The following NAV2 variants were observed in gnomAD, a reference collection of about 807,000 sequenced individuals.
NAV2 encodes the protein helicase, APC down-regulated 1.
In NAV2, 54 loss-of-function variants were observed where a neutral mutation model predicts 223.2. The observed-to-expected ratio is 0.24, with a 90% CI of 0.19 to 0.30. The LOEUF is 0.30. NAV2 is among the 10% of genes least tolerant of loss of function. The probability of loss-of-function intolerance (pLI) is 1.00; values close to 1 mark genes in which losing one functional copy is unlikely to be tolerated. For synonymous variants in NAV2, 1,279 were observed against 1,239.3 expected (o/e 1.03, Z -0.67); for missense variants, 2,806 against 3,147.5 (o/e 0.89, Z 2.60).
intron 1 of NAV2, among the ~76,000 whole-genome samples, chr11:19,449,740 A>C (rs1416995958): frequency 6.6e-6 from 1 of 152,122 alleles, no homozygotes; most frequent in Admixed American, 6.5e-5. Flanking sequence ...GGGCTGGGCC[A>C]TGAGAGCACC....
intron 1 of NAV2, among the ~76,000 whole-genome samples, chr11:19,822,586 A>AAG (rs2059437694): frequency 6.6e-6 from 1 of 152,160 alleles, no homozygotes; most frequent in African/African-American, 2.4e-5. Flanking sequence ...CTGTGTGAGT[A>AAG]TCCCTTTGAA....
chr11:20,062,973 G>C (rs973012956), intron 20 of NAV2, among the ~76,000 whole-genome samples: 1 of 152,206 alleles, frequency 6.6e-6, no homozygotes, highest in Non-Finnish European at 1.5e-5. Flanking sequence ...CATTACAGGC[G>C]TGAGCCATGG....
At chr11:19,887,259 G>A (rs1012652321) in intron 5 of NAV2, among the ~76,000 whole-genome samples, 5 of 152,114 alleles carry the variant, frequency 3.3e-5, no homozygotes, top group Non-Finnish European at 5.9e-5. Flanking sequence ...GGGGAGGGGC[G>A]TATGGAGGGA....
chr11:19,972,939 A>AGCC (rs1227849969), intron 10 of NAV2, among the ~76,000 whole-genome samples: 1 of 152,166 alleles, frequency 6.6e-6, no homozygotes, highest in African/African-American at 2.4e-5. Flanking sequence ...ACTCTATGTG[A>AGCC]GCCCTTCCTG....
At chr11:19,535,774 A>G (rs1383701005) in intron 1 of NAV2, among the ~76,000 whole-genome samples, 2 of 152,164 alleles carry the variant, frequency 1.3e-5, no homozygotes, top group African/African-American at 4.8e-5. Flanking sequence ...AAAGTTCTCA[A>G]TTAACGCCCA....
At chr11:19,491,288 T>C (rs553605107) in intron 1 of NAV2, among the ~76,000 whole-genome samples, 11 of 152,336 alleles carry the variant, frequency 7.2e-5, no homozygotes, top group African/African-American at 2.6e-4. Flanking sequence ...GTCTCCTCTC[T>C]AGCTATGAAA....
intron 6 of NAV2, among the ~76,000 whole-genome samples, chr11:19,901,548 C>A (rs2042446349): frequency 6.6e-6 from 1 of 152,136 alleles, no homozygotes; most frequent in African/African-American, 2.4e-5. Flanking sequence ...AAAGAGAACA[C>A]TCCCTTTTAA....
chr11:19,901,803 C>T lies in NAV2; in HGVS notation c.931+9209C>T, dbSNP rs564208653. The stretch of plus-strand genomic sequence containing the variant: ...TTCTTTTGGCTTTGTGCTATTGCCT[C>T]ACTAACCTTTAGCAAAGTTCTTTCT... On this transcript the variant is annotated intron_variant, in intron 6 of 37. Transcript: ENST00000349880. 9.2e-5 allele frequency among the ~76,000 whole-genome samples: 14 copies of T among 152,334 alleles called. No homozygotes were observed. In the East Asian group the frequency reaches 2.5e-3, roughly 27 times the overall value.
chr11:19,464,606 A>G (rs1436284442), intron 1 of NAV2, among the ~76,000 whole-genome samples: 1 of 152,216 alleles, frequency 6.6e-6, no homozygotes, highest in Non-Finnish European at 1.5e-5. Context: ...CATCTATAAT[A>G]TTCCTTGTTT....
chr11:20,037,927 G>C (rs561786071), intron 12 of NAV2, among the ~76,000 whole-genome samples: 1 of 2,690 alleles, frequency 3.7e-4, no homozygotes, highest in Non-Finnish European at 0.026. Context: ...CCAAGGAATT[G>C]CTCACCCTGC....
At chr11:19,950,763 G>A (rs1724262997) in intron 10 of NAV2, among the ~76,000 whole-genome samples, 1 of 152,184 alleles carries the variant, frequency 6.6e-6, no homozygotes, top group African/African-American at 2.4e-5. Flanking sequence ...TTGGAGAAAG[G>A]ACATACAAAT....
At chr11:19,898,107 G>A (rs1022968723) in intron 6 of NAV2, among the ~76,000 whole-genome samples, 6 of 151,834 alleles carry the variant, frequency 4.0e-5, no homozygotes, top group Non-Finnish European at 7.4e-5. Context: ...CATTTCTAAA[G>A]TATTTGGTCC....
chr11:19,637,141 G>C (rs919976882), intron 1 of NAV2, among the ~76,000 whole-genome samples: 1 of 152,092 alleles, frequency 6.6e-6, no homozygotes, highest in Admixed American at 6.5e-5. Context: ...CCACAGCCTG[G>C]GTTCTTGGGA....
At chr11:19,937,291 T>C (rs534683897) in intron 7 of NAV2, among the ~76,000 whole-genome samples, 1 of 152,266 alleles carries the variant, frequency 6.6e-6, no homozygotes, top group Admixed American at 6.5e-5. Flanking sequence ...TTATTCTCCT[T>C]TTCTGCTCTA....
Position 19,886,765 on chromosome 11 carries a change from G to A in NAV2, c.771-5669G>A, listed in dbSNP as rs532269708. On this transcript the variant is annotated intron_variant, in intron 5 of 37. Coordinates refer to ENST00000349880, the MANE Select transcript of NAV2 (RefSeq NM_145117.5). ...GATGGAAGAAGGCAGGGGGAAGAGA[G>A]GAAGCACTGGAAGATGAGGGCGTGT... 5.9e-5 allele frequency among the ~76,000 whole-genome samples: 9 copies of A among 152,316 alleles called. No homozygotes were observed. The East Asian group carries it at 1.7e-3, about 29-fold the overall frequency.
Position 19,574,621 on chromosome 11 carries a change from C to T in NAV2, c.75+223594C>T, listed in dbSNP as rs191676149. Among the ~76,000 whole-genome samples, 136 of 152,248 alleles carry T rather than the reference C, an allele frequency of 8.9e-4. 3 individuals carry two copies. Among genetic ancestry groups the T allele is most frequent in the Admixed American group, 8.0e-3 (123 of 15,288 alleles). ...CTTCTTTACTTCCTTCCTTCCATCC[C>T]GTTTATTTTTGTTGATCACCTATTA... On this transcript the variant is annotated intron_variant, in intron 1 of 37. Transcript: ENST00000360655.
intron 8 of NAV2, among the ~76,000 whole-genome samples, chr11:19,941,067 G>A (rs1287315749): frequency 6.6e-6 from 1 of 152,180 alleles, no homozygotes; most frequent in East Asian, 1.9e-4. Flanking sequence ...GGCCCGTGGA[G>A]CAGTGTGGAT....
rs12292217 is a variant in NAV2 at position 19,953,162 on chromosome 11, C to T, written c.2645+4082C>T. On this transcript the variant is annotated intron_variant, in intron 10 of 37. Coordinates refer to ENST00000349880, the MANE Select transcript of NAV2 (RefSeq NM_145117.5). ...TTTTTTTTTCTTTTCAAAGGAGGCA[C>T]TGAGTTGTGTAATGTTCCAAAGTAT... is the stretch of plus-strand genomic sequence containing the variant. 1.3e-3 allele frequency among the ~76,000 whole-genome samples: 198 copies of T among 152,138 alleles called. 1 individual carries two copies. Among genetic ancestry groups the T allele is most frequent in the Admixed American group, 2.2e-3 (33 of 15,276 alleles).
At chr11:19,378,195 C>T (rs780520584) in intron 1 of NAV2, among the ~76,000 whole-genome samples, 38 of 152,190 alleles carry the variant, frequency 2.5e-4, no homozygotes, top group Non-Finnish European at 4.3e-4. Flanking sequence ...GCCCCAGCCC[C>T]CCTACACATG....
Sources: allele counts gnomAD v4.1 joint callset (sites outside exome capture counted in the v4.1 genomes callset), GRCh38; gene constraint gnomAD v4.1.1; transcripts MANE v1.5; gene names NCBI Gene and HGNC (gene_info 2026-07-23, HGNC 2026-07-21).